SEMA5A: variants seen among roughly 807,000 people sequenced by gnomAD.
SEMA5A encodes the protein semaphorin-5A.
SEMA5A carries 55 observed loss-of-function variants against 135.5 expected under a neutral mutation model. The observed-to-expected ratio is 0.41, with a 90% CI of 0.33 to 0.51. The LOEUF is 0.51. SEMA5A is among the 20% of genes least tolerant of loss of function. The pLI, the probability that SEMA5A is intolerant of heterozygous loss-of-function variation, is 0.37. For synonymous variants in SEMA5A, 580 were observed against 546.5 expected (o/e 1.06, Z -0.85); for missense variants, 1,290 against 1,419.9 (o/e 0.91, Z 1.47).
chr5:9,538,254 T>G (rs1013021560), intron 1 of SEMA5A, among the ~76,000 whole-genome samples: 1 of 54,238 alleles, frequency 1.8e-5, no homozygotes, highest in East Asian at 3.9e-4. Flanking sequence ...AATTCTTTGA[T>G]TCTTCTCTAA....
At chr5:9,139,470 C>T (rs1011287930) in intron 12 of SEMA5A, among the ~76,000 whole-genome samples, 31 of 152,064 alleles carry the variant, frequency 2.0e-4, no homozygotes, top group African/African-American at 6.8e-4. Flanking sequence ...ATAGAATTTC[C>T]CAATTGTCTG....
intron 2 of SEMA5A, among the ~76,000 whole-genome samples, chr5:9,412,843 A>AAAAT (rs1015557303): frequency 2.0e-5 from 3 of 152,128 alleles, no homozygotes; most frequent in African/African-American, 7.2e-5. Context: ...TTGGCACTCG[A>AAAAT]AAATGTTTTA....
At chr5:9,100,911 G>T (rs1312210624) in intron 16 of SEMA5A, among the ~76,000 whole-genome samples, 2 of 151,932 alleles carry the variant, frequency 1.3e-5, no homozygotes, top group African/African-American at 4.8e-5. Context: ...TTGGAATTCT[G>T]CAGTGCACAA....
intron 2 of SEMA5A, among the ~76,000 whole-genome samples, chr5:9,433,434 G>A (rs376915304): frequency 1.6e-4 from 24 of 151,370 alleles, no homozygotes; most frequent in South Asian, 8.4e-4. Flanking sequence ...ATGAAATAGC[G>A]GAAAAAACAG....
chr5:9,400,239 T>C (rs1756592074), intron 2 of SEMA5A, among the ~76,000 whole-genome samples: 1 of 152,118 alleles, frequency 6.6e-6, no homozygotes, highest in Non-Finnish European at 1.5e-5. Flanking sequence ...GATGGGTTGA[T>C]AGGTGCAGCA....
intron 3 of SEMA5A, among the ~76,000 whole-genome samples, chr5:9,346,600 G>C (rs1753880320): frequency 6.6e-6 from 1 of 152,150 alleles, no homozygotes; most frequent in African/African-American, 2.4e-5. Context: ...GCTCACCCTG[G>C]CTCCTGCATC....
At chr5:9,254,358 C>T (rs754799709) in intron 5 of SEMA5A, among the ~76,000 whole-genome samples, 2 of 152,094 alleles carry the variant, frequency 1.3e-5, no homozygotes, top group African/African-American at 2.4e-5. Flanking sequence ...GATTACACAG[C>T]GATGCCCAGC....
chr5:9,069,365 A>T (rs2150078518), intron 16 of SEMA5A, among the ~76,000 whole-genome samples: 1 of 150,738 alleles, frequency 6.6e-6, no homozygotes, highest in African/African-American at 2.5e-5. Flanking sequence ...GTATTTCCAG[A>T]TTCTACTTTT....
chr5:9,070,840 G>A (rs910769668), intron 16 of SEMA5A, among the ~76,000 whole-genome samples: 5 of 152,170 alleles, frequency 3.3e-5, no homozygotes, highest in Admixed American at 2.0e-4. Context: ...ATTATGAAAT[G>A]GTGAGAAATG....
chr5:9,483,571 C>A (rs980596513), intron 1 of SEMA5A, among the ~76,000 whole-genome samples: 2 of 152,090 alleles, frequency 1.3e-5, no homozygotes, highest in African/African-American at 4.8e-5. Context: ...TACAACATGA[C>A]AAAAAAGAAC....
intron 11 of SEMA5A, 38 bp from the exon 12 acceptor site, chr5:9,154,733 A>T: frequency 6.4e-7 from 1 of 1,572,598 alleles, no homozygotes; most frequent in Non-Finnish European, 8.7e-7. Flanking sequence ...ACAAGGTCAG[A>T]GGGTCTCACA....
chr5:9,235,831 G>A (rs1193337453), intron 6 of SEMA5A, among the ~76,000 whole-genome samples: 1 of 152,178 alleles, frequency 6.6e-6, no homozygotes, highest in Non-Finnish European at 1.5e-5. Context: ...AAGCAAGAGG[G>A]AGAGCTAGGT....
intron 16 of SEMA5A, among the ~76,000 whole-genome samples, chr5:9,092,346 T>A (rs886269482): frequency 1.3e-5 from 2 of 152,230 alleles, no homozygotes; most frequent in African/African-American, 4.8e-5. Context: ...AATATTGGAA[T>A]TCGCACCATT....
intron 1 of SEMA5A, among the ~76,000 whole-genome samples, chr5:9,496,880 C>T (rs1245450068): frequency 2.0e-5 from 3 of 152,222 alleles, no homozygotes; most frequent in East Asian, 1.9e-4. Context: ...AAACCACACA[C>T]ACAACCTGCT....
intron 4 of SEMA5A, among the ~76,000 whole-genome samples, chr5:9,325,388 G>T (rs58703436): frequency 0.14 from 20,835 of 152,076 alleles, 1,506 homozygotes; most frequent in South Asian, 0.19. Context: ...TATTAAGTTT[G>T]GCAGATGCAA....
chr5:9,311,155 C>T (rs891035436), intron 5 of SEMA5A, among the ~76,000 whole-genome samples: 1 of 149,276 alleles, frequency 6.7e-6, no homozygotes, highest in African/African-American at 2.4e-5. Flanking sequence ...ACGGGGGGGT[C>T]CTGCTCTGTG....
intron 11 of SEMA5A, among the ~76,000 whole-genome samples, chr5:9,177,693 C>G (rs1303151975): frequency 6.6e-6 from 1 of 152,164 alleles, no homozygotes; most frequent in South Asian, 2.1e-4. Flanking sequence ...GAGATGCAGG[C>G]CTGGGCTGCT....
intron 1 of SEMA5A, among the ~76,000 whole-genome samples, chr5:9,447,196 AAAG>A (rs1421195808): frequency 6.6e-6 from 1 of 152,234 alleles, no homozygotes; most frequent in African/African-American, 2.4e-5. Flanking sequence ...TCAGTAATGG[AAAG>A]AAGATTAGTA....
intron 1 of SEMA5A, among the ~76,000 whole-genome samples, chr5:9,501,692 G>A (rs562729750): frequency 1.6e-4 from 24 of 152,106 alleles, no homozygotes; most frequent in Non-Finnish European, 3.1e-4. Flanking sequence ...GTACTGACAT[G>A]AAGACAAAAA....
Sources: gnomAD v4.1 joint callset for allele counts (sites outside exome capture counted in the v4.1 genomes callset) on GRCh38, gnomAD v4.1.1 for gene constraint, MANE v1.5 for transcripts, NCBI Gene and HGNC (gene_info 2026-07-23, HGNC 2026-07-21) for gene names.